DLG2: variants seen among roughly 807,000 people sequenced by gnomAD.
DLG2 encodes disks large homolog 2.
DLG2 carries 45 observed loss-of-function variants against 132.5 expected under a neutral mutation model. That is an observed-to-expected ratio of 0.34 (90% CI 0.27 to 0.44). DLG2 has a LOEUF of 0.44. DLG2 is among the 20% of genes least tolerant of loss of function. The pLI is 1.00. For missense variants in DLG2, 1,045 were observed against 1,196.9 expected, an observed-to-expected ratio of 0.87 and a Z score of 1.87; for synonymous variants, 424 against 419.6, an observed-to-expected ratio of 1.01 and a Z score of -0.13.
intron 16 of DLG2, among the ~76,000 whole-genome samples, chr11:83,850,972 C>G (rs532544447): frequency 6.6e-6 from 1 of 151,956 alleles, no homozygotes; most frequent in Non-Finnish European, 1.5e-5. Flanking sequence ...GTCAGGAGAT[C>G]GAGATCATCC....
rs189999714 is a variant in DLG2, at chr11:83,746,494, G to A, written c.1825+40196C>T. On this transcript the variant is annotated intron_variant, in intron 18 of 27. Coordinates refer to ENST00000376104, the MANE Select transcript of DLG2 (RefSeq NM_001142699.3). ...TTGCAAGGACAAAAAACCAAACACC[G>A]CACGTTCTCACTTATAGGTGGGAAT... 1.8e-4 allele frequency among the ~76,000 whole-genome samples: 27 copies of A among 151,844 alleles called. No individual in the cohort carries two copies. In the East Asian group the frequency reaches 4.3e-3, roughly 24 times the overall value.
At chr11:85,077,059 T>C (rs2066632624) in intron 6 of DLG2, among the ~76,000 whole-genome samples, 1 of 151,880 alleles carries the variant, frequency 6.6e-6, no homozygotes, top group African/African-American at 2.4e-5. Flanking sequence ...AGGGAAAGAG[T>C]TGCCAAAACC....
At chr11:83,734,254 T>A (rs932479658) in intron 18 of DLG2, among the ~76,000 whole-genome samples, 7 of 152,174 alleles carry the variant, frequency 4.6e-5, no homozygotes, top group Non-Finnish European at 5.9e-5. Flanking sequence ...CTGAGTAACC[T>A]TCTTTAAAAG....
At chr11:84,418,738 C>G (rs1160836876) in intron 7 of DLG2, among the ~76,000 whole-genome samples, 1 of 152,160 alleles carries the variant, frequency 6.6e-6, no homozygotes, top group East Asian at 1.9e-4. Flanking sequence ...CTCCTCTATA[C>G]CCTATTCTCA....
At chr11:84,500,628 C>T (rs1392705306) in intron 7 of DLG2, among the ~76,000 whole-genome samples, 1 of 152,120 alleles carries the variant, frequency 6.6e-6, no homozygotes, top group Non-Finnish European at 1.5e-5. Context: ...GGATAGGACA[C>T]CAGCATTTCA....
At chr11:83,496,792 A>G (rs2094170584) in intron 21 of DLG2, among the ~76,000 whole-genome samples, 1 of 152,212 alleles carries the variant, frequency 6.6e-6, no homozygotes, top group South Asian at 2.1e-4. Context: ...TGTCTAATCC[A>G]TATATTATCA....
chr11:83,781,919 A>G (rs1239081922), intron 18 of DLG2, among the ~76,000 whole-genome samples: 2 of 152,180 alleles, frequency 1.3e-5, no homozygotes, highest in African/African-American at 4.8e-5. Context: ...TCTTTTTTGA[A>G]AAATGTATAA....
chr11:84,095,962 A>T (rs1256108450), intron 10 of DLG2, among the ~76,000 whole-genome samples: 1 of 152,182 alleles, frequency 6.6e-6, no homozygotes, highest in Non-Finnish European at 1.5e-5. Context: ...AGAGGCCAAA[A>T]AAAGGGAAAT....
chr11:85,081,977 A>T (rs2067289630), intron 6 of DLG2, among the ~76,000 whole-genome samples: 1 of 152,134 alleles, frequency 6.6e-6, no homozygotes, highest in African/African-American at 2.4e-5. Flanking sequence ...CACACAGGCT[A>T]CTGGCAATGA....
chr11:85,121,385 T>C (rs1277426063), intron 5 of DLG2, among the ~76,000 whole-genome samples: 1 of 150,808 alleles, frequency 6.6e-6, no homozygotes, highest in African/African-American at 2.4e-5. Context: ...AGTATATTTA[T>C]GATAAATATG....
At chr11:83,588,818 A>G (rs1350124098) in intron 19 of DLG2, among the ~76,000 whole-genome samples, 1 of 148,704 alleles carries the variant, frequency 6.7e-6, no homozygotes, top group Non-Finnish European at 1.5e-5. Context: ...GCTGAAAACC[A>G]AGGCTCGAGA....
intron 6 of DLG2, among the ~76,000 whole-genome samples, chr11:84,621,701 G>A (rs1480506742): frequency 6.6e-6 from 1 of 152,076 alleles, no homozygotes; most frequent in Non-Finnish European, 1.5e-5. Context: ...TCCTACTAAT[G>A]GGTATTTGCA....
At chr11:83,979,451 T>C (rs12295053) in intron 12 of DLG2, among the ~76,000 whole-genome samples, 12,620 of 152,250 alleles carry the variant, frequency 0.083, 606 homozygotes, top group South Asian at 0.13. Flanking sequence ...ATTTACAATA[T>C]TCGATTATTA....
At chr11:85,323,307 T>A (rs1188333128) in intron 3 of DLG2, among the ~76,000 whole-genome samples, 1 of 152,222 alleles carries the variant, frequency 6.6e-6, no homozygotes, top group East Asian at 1.9e-4. Context: ...GTTAACACCA[T>A]AAACTTCCCT....
At chr11:84,259,944 A>C (rs2097530482) in intron 7 of DLG2, among the ~76,000 whole-genome samples, 1 of 152,164 alleles carries the variant, frequency 6.6e-6, no homozygotes, top group Non-Finnish European at 1.5e-5. Context: ...TGATAAGTAA[A>C]GTCTGTTCTA....
chr11:84,710,803 CACACACACAT>C (rs2060296673), intron 6 of DLG2, among the ~76,000 whole-genome samples: 1 of 151,338 alleles, frequency 6.6e-6, no homozygotes, highest in Non-Finnish European at 1.5e-5. Context: ...GAATTACACA[CACACACACAT>C]ACACACACAC....
rs75093460 is a variant in DLG2, at chr11:84,304,328, G to A, written c.520-53037C>T. Among the ~76,000 whole-genome samples the A allele has an allele frequency of 5.9e-3, 901 of 152,266 alleles. 9 individuals are homozygous for A. Among genetic ancestry groups the A allele is most frequent in the Non-Finnish European group, 0.011 (732 of 68,008 alleles). On this transcript the variant is annotated intron_variant, in intron 7 of 27. Coordinates refer to ENST00000376104, the MANE Select transcript of DLG2 (RefSeq NM_001142699.3). The stretch of plus-strand genomic sequence containing the variant: ...GGAGACTGAGAAGGAAACTAACCGC[G>A]ATGTAAGGCAATACTCTAATTTTGC...
intron 6 of DLG2, among the ~76,000 whole-genome samples, chr11:84,560,516 G>A (rs1592368452): frequency 6.6e-6 from 1 of 152,024 alleles, no homozygotes; most frequent in Admixed American, 6.6e-5. Flanking sequence ...AATTCTCAGG[G>A]GATCTGAATG....
At position 83,639,523 on chromosome 11, in the gene DLG2, C is replaced by T. The variant is rs1387001192; in HGVS notation, c.1826-6198G>A. 4.0e-5 allele frequency among the ~76,000 whole-genome samples: 6 copies of T among 150,598 alleles called. No homozygotes were observed. The South Asian group carries it at 6.3e-4, about 16-fold the overall frequency. On this transcript the variant is annotated intron_variant, in intron 18 of 27. Transcript: ENST00000376104. ...ATCGCAAGGACAAAAAACCAAACAC[C>T]GCATGTTCTCACTCATAGGTGGGAA...
Sources: allele counts gnomAD v4.1 joint callset (sites outside exome capture counted in the v4.1 genomes callset), GRCh38; gene constraint gnomAD v4.1.1; transcripts MANE v1.5; gene names NCBI Gene and HGNC (gene_info 2026-07-23, HGNC 2026-07-21).